The following CGGBP1 variants were observed in gnomAD, a reference collection of about 807,000 sequenced individuals.
CGGBP1 encodes the protein CGG triplet repeat binding protein 1, also known as CGG triplet repeat-binding protein 1.
Under a neutral mutation model 11.4 loss-of-function variants are expected in CGGBP1, and 4 were observed. That is an observed-to-expected ratio of 0.35 (90% CI 0.17 to 0.80). The LOEUF (loss-of-function observed/expected upper bound fraction) is 0.80, where lower values mean the gene tolerates loss of function less well. Among genes scored for constraint, CGGBP1 ranks in the 30% least tolerant of loss-of-function variants. CGGBP1 has a pLI of 0.52. For synonymous variants in CGGBP1, 76 were observed against 74.1 expected (o/e 1.03, Z -0.13); for missense variants, 135 against 202.1 (o/e 0.67, Z 2.01).
intron 2 of CGGBP1, among the ~76,000 whole-genome samples, chr3:88,133,495 T>C (rs1576345550): frequency 2.0e-5 from 3 of 152,242 alleles, no homozygotes; most frequent in African/African-American, 7.2e-5. Flanking sequence ...GGTATCACTT[T>C]AGTTTGGGGT....
intron 2 of CGGBP1, among the ~76,000 whole-genome samples, chr3:88,079,430 A>G (rs929092410): frequency 6.6e-6 from 1 of 152,128 alleles, no homozygotes; most frequent in Non-Finnish European, 1.5e-5. Context: ...TTGATGGGAC[A>G]TTGCATGTTT....
intron 2 of CGGBP1, among the ~76,000 whole-genome samples, chr3:88,135,699 CCT>C (rs1174470553): frequency 6.6e-6 from 1 of 152,026 alleles, no homozygotes; most frequent in Non-Finnish European, 1.5e-5. Context: ...TAAAAATAGT[CCT>C]GAGTCAAGTT....
chr3:88,059,578 C>G (rs1450831247), upstream of CGGBP1: 49 of 1,442,088 alleles, frequency 3.4e-5, no homozygotes, highest in Non-Finnish European at 4.3e-5. Context: ...GTCTTCTCGT[C>G]CATGAATCTG....
At chr3:88,065,386 C>T (rs1707138057) in intron 2 of CGGBP1, among the ~76,000 whole-genome samples, 1 of 151,966 alleles carries the variant, frequency 6.6e-6, no homozygotes, top group Non-Finnish European at 1.5e-5. Flanking sequence ...TTGAAAACTA[C>T]CTAAATGACT....
chr3:88,129,724 T>G, intron 2 of CGGBP1: 1 of 1,520,464 alleles, frequency 6.6e-7, no homozygotes, highest in Non-Finnish European at 8.8e-7. Flanking sequence ...GGAATTGATA[T>G]CATCTGTAAT....
intron 2 of CGGBP1, among the ~76,000 whole-genome samples, chr3:88,093,391 A>G (rs752621217): frequency 2.6e-5 from 4 of 152,186 alleles, no homozygotes; most frequent in Non-Finnish European, 4.4e-5. Flanking sequence ...GTAAATGTTC[A>G]TAGATTTCAG....
At chr3:88,143,046 A>T (rs776627924) in intron 1 of CGGBP1, 1 of 152,258 alleles carries the variant, frequency 6.6e-6, no homozygotes, top group African/African-American at 2.4e-5. Flanking sequence ...AGATCTCCTA[A>T]TGTCCCAATG....
At chr3:88,059,227 G>A (rs1478134619), upstream of CGGBP1, 28 of 1,500,556 alleles carry the variant, frequency 1.9e-5, no homozygotes, top group East Asian at 7.0e-4. Context: ...GAGGGAAGGG[G>A]GAGGGAACTA....
At chr3:88,118,164 C>T (rs576500399) in intron 2 of CGGBP1, among the ~76,000 whole-genome samples, 2 of 152,188 alleles carry the variant, frequency 1.3e-5, no homozygotes, top group South Asian at 2.1e-4. Context: ...TATCCTTATC[C>T]GGTGAAGCCA....
At chr3:88,119,879 G>GT (rs1705666126) in intron 2 of CGGBP1, among the ~76,000 whole-genome samples, 1 of 152,196 alleles carries the variant, frequency 6.6e-6, no homozygotes, top group African/African-American at 2.4e-5. Flanking sequence ...TGACTATGCT[G>GT]TTAGTTGATG....
At position 88,098,633 on chromosome 3, in the gene CGGBP1, A is replaced by G. The variant is rs561623089; in HGVS notation, c.-228-40410T>C. 2.3e-4 allele frequency among the ~76,000 whole-genome samples: 35 copies of G among 152,310 alleles called. No individual in the cohort carries two copies. The East Asian group carries it at 5.4e-3, about 24-fold the overall frequency. On this transcript the variant is annotated intron_variant, in intron 2 of 3. Coordinates refer to the CGGBP1 transcript ENST00000462901. ...CAGCACAGCAAAAAGCTTATCCACC[A>G]TGATCAAGTGGGCTTCATCCCTGGG... is the stretch of plus-strand genomic sequence containing the variant.
chr3:88,119,042 C>T (rs1186833603), intron 2 of CGGBP1, among the ~76,000 whole-genome samples: 4 of 149,316 alleles, frequency 2.7e-5, no homozygotes, highest in African/African-American at 9.9e-5. Flanking sequence ...TGGGTATATA[C>T]CCAAAGGACT....
chr3:88,135,721 C>T (rs772421423), intron 2 of CGGBP1, among the ~76,000 whole-genome samples: 1 of 151,980 alleles, frequency 6.6e-6, no homozygotes, highest in South Asian at 2.1e-4. Flanking sequence ...TTTACTTGGG[C>T]CACTTGCAAG....
intron 2 of CGGBP1, among the ~76,000 whole-genome samples, chr3:88,067,239 G>A (rs1350333249): frequency 6.6e-6 from 1 of 152,196 alleles, no homozygotes; most frequent in Non-Finnish European, 1.5e-5. Context: ...CTATAAATGG[G>A]AACTAATAGC....
chr3:88,104,980 A>C (rs1704645550), intron 2 of CGGBP1, among the ~76,000 whole-genome samples: 1 of 152,218 alleles, frequency 6.6e-6, no homozygotes, highest in Non-Finnish European at 1.5e-5. Context: ...CTCTACTAAA[A>C]ATACCAAAAA....
intron 2 of CGGBP1, among the ~76,000 whole-genome samples, chr3:88,120,042 A>C (rs1705674540): frequency 6.7e-6 from 1 of 149,898 alleles, no homozygotes; most frequent in Non-Finnish European, 1.5e-5. Flanking sequence ...GATATCCTTA[A>C]ATAGCTCAAT....
At chr3:88,124,344 T>C (rs1351466418) in intron 2 of CGGBP1, among the ~76,000 whole-genome samples, 1 of 152,212 alleles carries the variant, frequency 6.6e-6, no homozygotes, top group African/African-American at 2.4e-5. Context: ...GCTTGATTGC[T>C]TAATTTGGGA....
intron 2 of CGGBP1, among the ~76,000 whole-genome samples, chr3:88,115,176 AG>A (rs1705316662): frequency 6.6e-6 from 1 of 152,178 alleles, no homozygotes; most frequent in Non-Finnish European, 1.5e-5. Flanking sequence ...GGGACCTGAT[AG>A]TCTGCATTTC....
At chr3:88,109,709 G>A (rs1328348551) in intron 2 of CGGBP1, among the ~76,000 whole-genome samples, 2 of 152,012 alleles carry the variant, frequency 1.3e-5, no homozygotes, top group Admixed American at 6.6e-5. Context: ...GGAATATCCC[G>A]GATAATTATT....
Sources: allele counts gnomAD v4.1 joint callset (sites outside exome capture counted in the v4.1 genomes callset), GRCh38; gene constraint gnomAD v4.1.1; transcripts MANE v1.5; gene names NCBI Gene and HGNC (gene_info 2026-07-23, HGNC 2026-07-21).